MAP3K7: variants seen among roughly 807,000 people sequenced by gnomAD.
MAP3K7 encodes mitogen-activated protein kinase kinase kinase 7.
Under a neutral mutation model 84.8 loss-of-function variants are expected in MAP3K7, and 21 were observed. The observed-to-expected ratio is 0.25, with a 90% confidence interval of 0.18 to 0.36. The LOEUF (loss-of-function observed/expected upper bound fraction) is 0.36. MAP3K7 is among the 10% of genes least tolerant of loss of function. The pLI is 1.00. For synonymous variants in MAP3K7, 241 were observed against 247.7 expected, an observed-to-expected ratio of 0.97 and a Z score of 0.25; for missense variants, 503 against 747.7, an observed-to-expected ratio of 0.67 and a Z score of 3.82.
chr6:90,514,527 A>C lies in MAP3K7; in HGVS notation c.*1974T>G, dbSNP rs535767976. 8 of 125,510 alleles carry C rather than the reference A, an allele frequency of 6.4e-5. No individual in the cohort carries two copies. The highest frequency in any genetic ancestry group is 3.3e-4 in the Admixed American group (4 of 12,294). 7.8% of individuals were successfully genotyped at this position (125,510 alleles called of 1,614,324 possible). On this transcript the variant is annotated 3_prime_UTR_variant, in exon 17 of 17. Coordinates refer to ENST00000369329, the MANE Select transcript of MAP3K7 (RefSeq NM_145331.3). The stretch of plus-strand genomic sequence containing the variant: ...CTGGATATTTTTATGAAATGACTAC[A>C]TGTAAAAACCATAATAAAATTTCCC...
At position 90,547,376 on chromosome 6, in the gene MAP3K7, T is replaced by G. The variant is rs1327544123; in HGVS notation, c.1092A>C (p.Gly364=). 6.2e-7 allele frequency: 1 copy of G among 1,610,612 alleles called. No homozygotes were observed. Among genetic ancestry groups the G allele is most frequent in the African/African-American group, 1.3e-5 (1 of 74,538 alleles). The stretch of plus-strand genomic sequence containing the variant: ...CACGGGAGGCTCCCAAGCTTAAACG[T>G]CCAGATTCACTCTGTTAAAATTACA... ...KNQAKQQSES[G]RLSLGASRGS... The change falls in exon 11 of 17, where the codon GGA becomes GGC. Residue 364 remains glycine, a synonymous_variant. Coordinates refer to ENST00000369329, the MANE Select transcript of MAP3K7 (RefSeq NM_145331.3).
In MAP3K7 at chr6:90,547,387, T is replaced by C; in HGVS notation, c.1081A>G (p.Ser361Gly). The change falls in exon 11 of 17, where the codon AGT becomes GGT. Residue 361 changes from serine (S) to glycine (G), a missense_variant and splice_region_variant. Ser to Gly is a moderately conservative substitution (Grantham distance 56). Transcript: ENST00000369329. ...CCCAAGCTTAAACGTCCAGATTCAC[T>C]CTGTTAAAATTACAGGTCAATCTGA... ...KLLKNQAKQQSESGRLSLGAS... is the reference protein window; with the variant it reads ...KLLKNQAKQQGESGRLSLGAS... The C allele has an allele frequency of 6.2e-7, 1 of 1,608,990 alleles. No individual in the cohort carries two copies. The highest frequency in any genetic ancestry group is 8.5e-7 in the Non-Finnish European group (1 of 1,178,314).
intron 11 of MAP3K7, among the ~76,000 whole-genome samples, chr6:90,546,984 A>C (rs1440383277): frequency 6.6e-6 from 1 of 152,186 alleles, no homozygotes; most frequent in East Asian, 1.9e-4. Flanking sequence ...CTTTCAACTC[A>C]TGTTTGAGCA....
At chr6:90,561,784 G>T in intron 3 of MAP3K7, 117 bp from the exon 4 acceptor site, 1 of 763,552 alleles carries the variant, frequency 1.3e-6, no homozygotes, top group South Asian at 1.6e-5. Context: ...CATTCTTTTG[G>T]CCCCTACTAT....
chr6:90,565,618 G>A (rs1277156451), intron 3 of MAP3K7, among the ~76,000 whole-genome samples: 3 of 152,170 alleles, frequency 2.0e-5, no homozygotes, highest in East Asian at 1.9e-4. Context: ...ATTCACAGCC[G>A]AATTCTACCA....
At chr6:90,564,284 G>A (rs1145732) in intron 3 of MAP3K7, among the ~76,000 whole-genome samples, 3 of 151,982 alleles carry the variant, frequency 2.0e-5, no homozygotes, top group Non-Finnish European at 4.4e-5. Flanking sequence ...AAATTGGATA[G>A]AGAGTCAAGA....
intron 9 of MAP3K7, among the ~76,000 whole-genome samples, chr6:90,549,608 T>C (rs553836155): frequency 6.6e-6 from 1 of 152,142 alleles, no homozygotes; most frequent in Non-Finnish European, 1.5e-5. Flanking sequence ...CTAAGAGGAC[T>C]GAGGACCAGT....
rs967157917 is a variant in MAP3K7, at chr6:90,518,690, T to C, written c.1525-128A>G. 2.4e-5 allele frequency: 15 copies of C among 630,124 alleles called. No homozygotes were observed. The East Asian group carries it at 2.9e-4, about 12-fold the overall frequency. 39.0% of individuals were successfully genotyped at this position (630,124 alleles called of 1,614,324 possible). A position where few individuals can be genotyped will look rare whatever the true frequency, so the allele number is the denominator to read the frequency against. The stretch of plus-strand genomic sequence containing the variant: ...AGCAATGATCTTTTAAAAATAAGTG[T>C]TAAACCATGCCCTAGAAAATCTCAG... On this transcript the variant is annotated intron_variant, in intron 15 of 16. Transcript: ENST00000369329.
chr6:90,543,694 CGT>C (rs1775920294), intron 12 of MAP3K7, among the ~76,000 whole-genome samples: 1 of 151,846 alleles, frequency 6.6e-6, no homozygotes, highest in Non-Finnish European at 1.5e-5. Flanking sequence ...CACTCATGAA[CGT>C]GTGTGGAAAA....
At chr6:90,574,923 C>A (rs935854687) in intron 1 of MAP3K7, among the ~76,000 whole-genome samples, 3 of 152,062 alleles carry the variant, frequency 2.0e-5, no homozygotes, top group Non-Finnish European at 4.4e-5. Context: ...GCTTAAGAAG[C>A]CTCCATTCTT....
At chr6:90,562,737 G>C (rs769840351) in intron 3 of MAP3K7, among the ~76,000 whole-genome samples, 6 of 152,222 alleles carry the variant, frequency 3.9e-5, no homozygotes, top group Admixed American at 1.3e-4. Flanking sequence ...GATTCTCCCA[G>C]CATGGAGTTT....
intron 1 of MAP3K7, among the ~76,000 whole-genome samples, chr6:90,572,831 TA>T (rs918594677): frequency 6.6e-6 from 1 of 152,026 alleles, no homozygotes; most frequent in African/African-American, 2.4e-5. Flanking sequence ...TTTCATAATA[TA>T]AAAAAAGAAA....
At chr6:90,518,992 A>G (rs1357916564) in intron 15 of MAP3K7, among the ~76,000 whole-genome samples, 1 of 151,890 alleles carries the variant, frequency 6.6e-6, no homozygotes. Flanking sequence ...AAAATTAAAG[A>G]GTGAAAATGT....
At chr6:90,545,906 T>C (rs2127970821) in intron 11 of MAP3K7, among the ~76,000 whole-genome samples, 1 of 152,242 alleles carries the variant, frequency 6.6e-6, no homozygotes, top group South Asian at 2.1e-4. Context: ...TCAAAGAACT[T>C]GGATGTCTAT....
rs918375620 is a variant in MAP3K7, at chr6:90,544,467, A to G, written c.1291+85T>C. ...GTATCCATTTTCATGTCTTGTAAAA[A>G]TTGGAGCAAGAAGCATTTTACAAGT... is the stretch of plus-strand genomic sequence containing the variant. On this transcript the variant is annotated intron_variant, in intron 12 of 16. Coordinates refer to ENST00000369329, the MANE Select transcript of MAP3K7 (RefSeq NM_145331.3). 8 of 1,192,218 alleles carry G rather than the reference A, an allele frequency of 6.7e-6. No individual in the cohort carries two copies. The African/African-American group carries it at 1.1e-4, about 16-fold the overall frequency. The allele number at this position is 1,192,218 out of a possible 1,614,324, so 73.9% of individuals were successfully genotyped here.
chr6:90,571,014 T>A (rs113447956), intron 2 of MAP3K7, among the ~76,000 whole-genome samples: 1 of 152,164 alleles, frequency 6.6e-6, no homozygotes, highest in Non-Finnish European at 1.5e-5. Flanking sequence ...AAATATGAAG[T>A]ATATTTTGAA....
chr6:90,584,371 G>C (rs1021818981), intron 1 of MAP3K7, among the ~76,000 whole-genome samples: 5 of 152,036 alleles, frequency 3.3e-5, no homozygotes, highest in Admixed American at 6.6e-5. Flanking sequence ...AATCTTTAAT[G>C]CAAAAATGAA....
At chr6:90,562,479 G>C (rs1776555800) in intron 3 of MAP3K7, among the ~76,000 whole-genome samples, 1 of 152,208 alleles carries the variant, frequency 6.6e-6, no homozygotes, top group Non-Finnish European at 1.5e-5. Context: ...CTCACTGCTA[G>C]CACAGCAGTC....
intron 3 of MAP3K7, among the ~76,000 whole-genome samples, chr6:90,564,122 T>C (rs1776618334): frequency 6.6e-6 from 1 of 152,070 alleles, no homozygotes; most frequent in Admixed American, 6.6e-5. Flanking sequence ...ACATGCCAAA[T>C]TGTAAAGACC....
Sources: gnomAD v4.1 joint callset for allele counts (sites outside exome capture counted in the v4.1 genomes callset) on GRCh38, gnomAD v4.1.1 for gene constraint, MANE v1.5 for transcripts, NCBI Gene and HGNC (gene_info 2026-07-23, HGNC 2026-07-21) for gene names.